Variants in GFOD2 observed in about 807,000 individuals in gnomAD.
The protein encoded by GFOD2 is glucose-fructose oxidoreductase domain-containing protein 2.
In GFOD2, 9 loss-of-function variants were observed where a neutral mutation model predicts 24.6. The ratio of observed to expected loss-of-function variants is 0.37; its 90% CI spans 0.22 to 0.64. The LOEUF (loss-of-function observed/expected upper bound fraction) is 0.64, where lower values mean the gene tolerates loss of function less well. Among genes scored for constraint, GFOD2 ranks in the 30% least tolerant of loss-of-function variants. The pLI is 0.65. For missense variants in GFOD2, 476 were observed against 532.5 expected (o/e 0.89, Z 1.04); for synonymous variants, 211 against 224.8 (o/e 0.94, Z 0.55).
At chr16:67,677,537 G>A (rs1304951153) in intron 2 of GFOD2, 15 of 152,174 alleles carry the variant, frequency 9.9e-5, no homozygotes. Context: ...TTGACTCTTT[G>A]CCTCCTGTGG....
At chr16:67,698,182 C>A (rs2053371621) in intron 1 of GFOD2, among the ~76,000 whole-genome samples, 1 of 152,158 alleles carries the variant, frequency 6.6e-6, no homozygotes, top group South Asian at 2.1e-4. Context: ...ATGGTTCTGG[C>A]AGAGCTGTGT....
intron 1 of GFOD2, among the ~76,000 whole-genome samples, chr16:67,708,796 A>T (rs1352511782): frequency 6.6e-6 from 1 of 152,148 alleles, no homozygotes. Context: ...GACTTGATGC[A>T]CACCTCTGTC....
chr16:67,683,576 G>A, intron 2 of GFOD2: 1 of 1,231,766 alleles, frequency 8.1e-7, no homozygotes, highest in Non-Finnish European at 1.0e-6. Flanking sequence ...CATCCTCAGA[G>A]AGAGCTCTCT....
chr16:67,715,553 C>G (rs2053500754), intron 1 of GFOD2, among the ~76,000 whole-genome samples: 1 of 152,112 alleles, frequency 6.6e-6, no homozygotes, highest in Non-Finnish European at 1.5e-5. Flanking sequence ...TTCATGAACC[C>G]AAGCTTTTCA....
intron 1 of GFOD2, among the ~76,000 whole-genome samples, chr16:67,717,706 G>A (rs1042696497): frequency 6.6e-6 from 1 of 152,114 alleles, no homozygotes; most frequent in Non-Finnish European, 1.5e-5. Context: ...CCAGAGAATC[G>A]CTTGAACCTG....
At chr16:67,709,592 T>C (rs2053459432) in intron 1 of GFOD2, among the ~76,000 whole-genome samples, 1 of 152,152 alleles carries the variant, frequency 6.6e-6, no homozygotes. Flanking sequence ...AGAATGGTGC[T>C]ATGAGAGACT....
chr16:67,681,138 T>C (rs1030415614), intron 2 of GFOD2: 3 of 985,416 alleles, frequency 3.0e-6, no homozygotes, highest in Non-Finnish European at 2.4e-6. Flanking sequence ...GCTGAACACA[T>C]ATGGCTGACC....
chr16:67,694,603 T>C lies in GFOD2; in HGVS notation c.-87-8801A>G, dbSNP rs912753662. On this transcript the variant is annotated intron_variant, in intron 1 of 2. Coordinates refer to ENST00000268797, the MANE Select transcript of GFOD2 (RefSeq NM_030819.4). ...GCATGAGACACCACGGCTGGAGAAA[T>C]TGTTTTCTCAACTTCATTTTCAAGC... Among the ~76,000 whole-genome samples, 12 of 152,068 alleles carry C rather than the reference T, an allele frequency of 7.9e-5. No homozygotes were observed. The East Asian group carries it at 1.5e-3, about 20-fold the overall frequency.
chr16:67,680,671 A>G, intron 2 of GFOD2: 2 of 963,354 alleles, frequency 2.1e-6, no homozygotes, highest in African/African-American at 3.5e-5. Flanking sequence ...TCCCAGGATT[A>G]CAAACCTCAG....
chr16:67,674,894 C>G lies in GFOD2; in HGVS notation c.*261G>C, dbSNP rs1476864120. The G allele has an allele frequency of 8.0e-5, 38 of 475,116 alleles. No homozygotes were observed. The highest frequency in any genetic ancestry group is 2.6e-5 in the Non-Finnish European group (7 of 266,452). The allele number at this position is 475,116 out of a possible 1,614,324, so 29.4% of individuals were successfully genotyped here. The stretch of plus-strand genomic sequence containing the variant: ...GGTGAGCCTTTCCTGGTCCGACTCA[C>G]TGGCATCACCATGAGGAGGCCTGGC... On this transcript the variant is annotated 3_prime_UTR_variant, in exon 3 of 3. Transcript: ENST00000268797.
intron 1 of GFOD2, among the ~76,000 whole-genome samples, chr16:67,693,056 A>T (rs1432533986): frequency 6.6e-6 from 1 of 151,984 alleles, no homozygotes; most frequent in African/African-American, 2.4e-5. Flanking sequence ...AAAAAAGGAA[A>T]ATGTGGTTCT....
intron 2 of GFOD2, among the ~76,000 whole-genome samples, chr16:67,678,476 C>CAAAA (rs144320358): frequency 1.3e-5 from 1 of 74,960 alleles, no homozygotes; most frequent in Non-Finnish European, 3.1e-5. Context: ...AACTCTGTCT[C>CAAAA]AAAAAAAAAA....
At chr16:67,714,981 T>C (rs1478287348) in intron 1 of GFOD2, among the ~76,000 whole-genome samples, 1 of 152,176 alleles carries the variant, frequency 6.6e-6, no homozygotes, top group African/African-American at 2.4e-5. Flanking sequence ...AGCAAACAAG[T>C]GCTTAAGGAC....
At chr16:67,709,980 C>G (rs908968319) in intron 1 of GFOD2, among the ~76,000 whole-genome samples, 2 of 151,646 alleles carry the variant, frequency 1.3e-5, no homozygotes, top group African/African-American at 4.8e-5. Context: ...GAGTGTCACT[C>G]TGTCACCCAG....
At chr16:67,718,105 C>T in intron 1 of GFOD2, among the ~76,000 whole-genome samples, 1 of 152,176 alleles carries the variant, frequency 6.6e-6, no homozygotes, top group East Asian at 1.9e-4. Flanking sequence ...CTAGCTTCCC[C>T]GACTCAAAAA....
chr16:67,678,443 G>A (rs551869095), intron 2 of GFOD2, among the ~76,000 whole-genome samples: 2 of 146,812 alleles, frequency 1.4e-5, no homozygotes, highest in South Asian at 2.1e-4. Context: ...GCCATTGCAC[G>A]CCAGCTTTGG....
At chr16:67,704,557 C>A (rs1040437758) in intron 1 of GFOD2, among the ~76,000 whole-genome samples, 26 of 152,026 alleles carry the variant, frequency 1.7e-4, no homozygotes, top group South Asian at 6.2e-4. Flanking sequence ...CTACAAAAAA[C>A]CCCCACAGCT....
intron 1 of GFOD2, among the ~76,000 whole-genome samples, chr16:67,707,351 C>T (rs1415786165): frequency 1.3e-5 from 2 of 149,446 alleles, no homozygotes; most frequent in African/African-American, 2.5e-5. Flanking sequence ...GAGTGAAACT[C>T]CATTTCAAAA....
At chr16:67,715,981 C>T (rs553953430) in intron 1 of GFOD2, among the ~76,000 whole-genome samples, 1 of 152,192 alleles carries the variant, frequency 6.6e-6, no homozygotes, top group Admixed American at 6.5e-5. Context: ...GTACTCCAGG[C>T]TTGGTGACAG....
Sources: gnomAD v4.1 joint callset for allele counts (sites outside exome capture counted in the v4.1 genomes callset) on GRCh38, gnomAD v4.1.1 for gene constraint, MANE v1.5 for transcripts, NCBI Gene and HGNC (gene_info 2026-07-23, HGNC 2026-07-21) for gene names.